Variants in LHX4 observed in about 807,000 individuals in gnomAD.
LHX4 encodes LIM homeobox 4.
Under a neutral mutation model 39.2 loss-of-function variants are expected in LHX4, and 16 were observed. The ratio of observed to expected loss-of-function variants is 0.41; its 90% CI spans 0.28 to 0.62. The LOEUF (loss-of-function observed/expected upper bound fraction) is 0.62. Among genes scored for constraint, LHX4 ranks in the 20% least tolerant of loss-of-function variants. The pLI, the probability that LHX4 is intolerant of heterozygous loss-of-function variation, is 0.33. For missense variants in LHX4, 439 were observed against 511.9 expected (o/e 0.86, Z 1.37); for synonymous variants, 206 against 198.1 (o/e 1.04, Z -0.33).
chr1:180,261,981 G>C (rs1648130183), intron 2 of LHX4, among the ~76,000 whole-genome samples: 1 of 152,212 alleles, frequency 6.6e-6, no homozygotes, highest in African/African-American at 2.4e-5. Context: ...AGCAGAAGCT[G>C]GTGTGTTTCC....
chr1:180,271,758 G>T, intron 4 of LHX4, 77 bp from the exon 5 acceptor site: 1 of 1,541,678 alleles, frequency 6.5e-7, no homozygotes. Flanking sequence ...GCTTCCAGCC[G>T]CCCGCCTAGG....
At chr1:180,251,728 C>T (rs942553346) in intron 2 of LHX4, among the ~76,000 whole-genome samples, 1 of 152,204 alleles carries the variant, frequency 6.6e-6, no homozygotes, top group Non-Finnish European at 1.5e-5. Context: ...TCAGGCCCAT[C>T]ATTTAGCCAC....
intron 2 of LHX4, among the ~76,000 whole-genome samples, chr1:180,257,360 C>G (rs1647900309): frequency 6.6e-6 from 1 of 152,182 alleles, no homozygotes; most frequent in South Asian, 2.1e-4. Flanking sequence ...TGATAAAAAG[C>G]AGATTGCTGA....
At chr1:180,239,947 G>C (rs1664410275) in intron 1 of LHX4, among the ~76,000 whole-genome samples, 1 of 152,152 alleles carries the variant, frequency 6.6e-6, no homozygotes, top group Non-Finnish European at 1.5e-5. Context: ...CTGCAAACAG[G>C]GAGACCCGGA....
In LHX4 at chr1:180,277,692, C is replaced by T. The variant is rs1430909727; in HGVS notation, c.*3113C>T. On this transcript the variant is annotated 3_prime_UTR_variant, in exon 6 of 6. Coordinates refer to ENST00000263726, the MANE Select transcript of LHX4 (RefSeq NM_033343.4). ...CAAGGACTTGCTATGCAACCTCAGGCAAATTCCTCTCAGTCTTTGTGCTTT... is the reference window on the plus strand; with the variant it reads ...CAAGGACTTGCTATGCAACCTCAGGTAAATTCCTCTCAGTCTTTGTGCTTT... The T allele has an allele frequency of 6.6e-6, 1 of 152,186 alleles. No individual in the cohort carries two copies. Among genetic ancestry groups the T allele is most frequent in the Non-Finnish European group, 1.5e-5 (1 of 68,034 alleles). 9.4% of individuals were successfully genotyped at this position (152,186 alleles called of 1,614,324 possible).
Position 180,276,816 on chromosome 1 carries a change from G to C in LHX4, c.*2237G>C, listed in dbSNP as rs1048636384. Reference sequence around the variant, plus strand: ...AGTTTTTGGTGAGTATAGTGTGGGGGAGAGCAGGCTTTTTAAAAGGGGGGG... The same window carrying C: ...AGTTTTTGGTGAGTATAGTGTGGGGCAGAGCAGGCTTTTTAAAAGGGGGGG... On this transcript the variant is annotated 3_prime_UTR_variant, in exon 6 of 6. Coordinates refer to ENST00000263726, the MANE Select transcript of LHX4 (RefSeq NM_033343.4). 1.1e-5 allele frequency: 1 copy of C among 89,802 alleles called. No individual in the cohort carries two copies. The highest frequency in any genetic ancestry group is 4.3e-5 in the African/African-American group (1 of 23,084). 5.6% of individuals were successfully genotyped at this position (89,802 alleles called of 1,614,324 possible).
upstream of LHX4, among the ~76,000 whole-genome samples, chr1:180,229,623 G>A (rs556584244): frequency 1.4e-4 from 21 of 152,218 alleles, no homozygotes; most frequent in East Asian, 3.5e-3. Context: ...GGGGAAAGAG[G>A]AGGAGGAAGA....
At chr1:180,254,130 T>C (rs1647744488) in intron 2 of LHX4, among the ~76,000 whole-genome samples, 1 of 152,134 alleles carries the variant, frequency 6.6e-6, no homozygotes, top group Non-Finnish European at 1.5e-5. Context: ...CCACTGGGGC[T>C]CCATATTTCC....
chr1:180,272,538 C>T (rs73046412), intron 5 of LHX4: 14,287 of 154,780 alleles, frequency 0.092, 886 homozygotes, highest in Admixed American at 0.19. Context: ...CCACTCACTT[C>T]ATTCTGTCCC....
chr1:180,249,953 TGA>T (rs1647552704), intron 2 of LHX4, among the ~76,000 whole-genome samples: 2 of 151,330 alleles, frequency 1.3e-5, no homozygotes, highest in East Asian at 2.0e-4. Flanking sequence ...TGTGTGAGTG[TGA>T]GAGTGTGAGT....
Position 180,247,629 on chromosome 1 carries a change from A to G in LHX4, c.77-656A>G, listed in dbSNP as rs563938090. On this transcript the variant is annotated intron_variant, in intron 1 of 5. Transcript: ENST00000263726. ...ATGTGAGCCGCTAGGGCATCTGGAA[A>G]AGCAGTTTCTAGCTTTCCTATCTGC... Among the ~76,000 whole-genome samples the G allele has an allele frequency of 3.3e-5, 5 of 152,314 alleles. No homozygotes were observed. In the East Asian group the frequency reaches 9.6e-4, roughly 29 times the overall value.
At position 180,266,521 on chromosome 1, in the gene LHX4, G is replaced by A. The variant is rs751665904; in HGVS notation, c.378G>A (p.Thr126=). 3.1e-5 allele frequency: 50 copies of A among 1,614,070 alleles called. No homozygotes were observed. Among genetic ancestry groups the A allele is most frequent in the Middle Eastern group, 1.6e-4 (1 of 6,084 alleles). ...TCATCTGCAACCGGCAGCTGGCCAC[G>A]GGGGACGAATTCTACCTCATGGAGG... ...ACIICNRQLA[T]GDEFYLMEDG... Residue 126 remains threonine (T), a synonymous_variant, in exon 3 of 6, where the codon ACG becomes ACA. Transcript: ENST00000263726. The surrounding 1 kb of genome is among the most constrained non-coding windows in gnomAD (Gnocchi z 5.7).
Position 180,230,352 on chromosome 1 carries a change from G to A in LHX4, c.-178G>A. On this transcript the variant is annotated 5_prime_UTR_variant, in exon 1 of 6. Transcript: ENST00000263726. The surrounding 1 kb of genome is among the most constrained non-coding windows in gnomAD (Gnocchi z 5.8). ...GACTGGAAACAGACTGGGGACTGGC[G>A]GGGGGAGGGGGCCGGCCAGCCTGTG... 1.6e-6 allele frequency: 1 copy of A among 644,412 alleles called. No homozygotes were observed. The highest frequency in any genetic ancestry group is 2.8e-6 in the Non-Finnish European group (1 of 356,066). 39.9% of individuals were successfully genotyped at this position (644,412 alleles called of 1,614,324 possible). A position where few individuals can be genotyped will look rare whatever the true frequency, so the allele number is the denominator to read the frequency against.
chr1:180,257,251 T>C (rs539693179), intron 2 of LHX4, among the ~76,000 whole-genome samples: 1 of 152,364 alleles, frequency 6.6e-6, no homozygotes, highest in East Asian at 1.9e-4. Flanking sequence ...AATTAGGGCC[T>C]TGGACTAGGT....
chr1:180,264,679 C>G (rs1024696881), intron 2 of LHX4, among the ~76,000 whole-genome samples: 1 of 152,198 alleles, frequency 6.6e-6, no homozygotes, highest in African/African-American at 2.4e-5. Flanking sequence ...GATGAAAACC[C>G]AGGTCCCCTC....
chr1:180,262,835 C>G (rs1648163701), intron 2 of LHX4, among the ~76,000 whole-genome samples: 1 of 152,226 alleles, frequency 6.6e-6, no homozygotes. Flanking sequence ...GTCTTTGTGG[C>G]TTGCCTACTA....
Position 180,234,194 on chromosome 1 carries a change from TATATATATATATATA to T in LHX4, c.76+3590_76+3604del, listed in dbSNP as rs936204520. 3.7e-4 allele frequency among the ~76,000 whole-genome samples: 38 copies of T among 102,758 alleles called. 3 individuals are homozygous for T. The highest frequency in any genetic ancestry group is 2.2e-3 in the Admixed American group (23 of 10,484). 67.4% of individuals were successfully genotyped at this position (102,758 alleles called of 152,430 possible). On this transcript the variant is annotated intron_variant, in intron 1 of 5. Transcript: ENST00000263726. This position sits in a 1 kb window ranked among gnomAD's most constrained non-coding sequence, Gnocchi z 4.8. ...TTATATATATATATATATATATATA[TATATATATATATATA>T]TATATATATATAATAGATTGAGATT...
chr1:180,231,866 C>T (rs1380124893), intron 1 of LHX4, among the ~76,000 whole-genome samples: 1 of 152,140 alleles, frequency 6.6e-6, no homozygotes, highest in Non-Finnish European at 1.5e-5. Context: ...GGCAGGCGTA[C>T]CGTAGGCTTC....
chr1:180,231,043 C>T (rs1341297217), intron 1 of LHX4, among the ~76,000 whole-genome samples: 1 of 151,716 alleles, frequency 6.6e-6, no homozygotes, highest in Non-Finnish European at 1.5e-5. Context: ...GCGCGTCTCT[C>T]GCCCCTGGGG....
Sources: allele counts gnomAD v4.1 joint callset (sites outside exome capture counted in the v4.1 genomes callset), GRCh38; gene constraint gnomAD v4.1.1; non-coding constraint Gnocchi (gnomAD v3.1); transcripts MANE v1.5; gene names NCBI Gene and HGNC (gene_info 2026-07-23, HGNC 2026-07-21).